The following ATRNL1 variants were observed in gnomAD, a reference collection of about 807,000 sequenced individuals.
ATRNL1 encodes the protein attractin like 1.
Under a neutral mutation model 182.7 loss-of-function variants are expected in ATRNL1, and 95 were observed. That is an observed-to-expected ratio of 0.52 (90% CI 0.44 to 0.62). ATRNL1 has a LOEUF of 0.62. Ranked by LOEUF, ATRNL1 falls within the 20% of genes least tolerant of loss-of-function variation. ATRNL1 has a pLI of 0.00. For missense variants in ATRNL1, 1,471 were observed against 1,679.5 expected, an observed-to-expected ratio of 0.88 and a Z score of 2.17; for synonymous variants, 576 against 568.3, an observed-to-expected ratio of 1.01 and a Z score of -0.19.
At chr10:115,316,942 A>G (rs1404266613) in intron 18 of ATRNL1, among the ~76,000 whole-genome samples, 1 of 151,936 alleles carries the variant, frequency 6.6e-6, no homozygotes, top group Non-Finnish European at 1.5e-5. Flanking sequence ...GTCAATTTTG[A>G]CTTTTGTTGC....
At chr10:115,514,374 C>A (rs1554983386) in intron 24 of ATRNL1, among the ~76,000 whole-genome samples, 1 of 151,838 alleles carries the variant, frequency 6.6e-6, no homozygotes. Flanking sequence ...GTAATTATTT[C>A]AAGTTTTAGA....
chr10:115,485,851 G>C (rs1250199286), intron 24 of ATRNL1, among the ~76,000 whole-genome samples: 2 of 151,838 alleles, frequency 1.3e-5, no homozygotes, highest in African/African-American at 4.8e-5. Context: ...CCATCAACCT[G>C]TTATCTACAT....
chr10:115,562,728 G>T (rs1853830243), intron 26 of ATRNL1, among the ~76,000 whole-genome samples: 1 of 152,176 alleles, frequency 6.6e-6, no homozygotes, highest in Non-Finnish European at 1.5e-5. Flanking sequence ...GAATAAGGAT[G>T]TGTTCAGTTC....
intron 26 of ATRNL1, among the ~76,000 whole-genome samples, chr10:115,688,803 T>G (rs1946300434): frequency 6.6e-6 from 1 of 152,134 alleles, no homozygotes; most frequent in South Asian, 2.1e-4. Context: ...GTGGAGAAAC[T>G]TTTAAATTTA....
chr10:115,713,246 A>C (rs532236738), intron 26 of ATRNL1, among the ~76,000 whole-genome samples: 2 of 152,316 alleles, frequency 1.3e-5, no homozygotes, highest in African/African-American at 4.8e-5. Context: ...CTTAGTCCTA[A>C]ATTAATTTTT....
At chr10:115,671,689 C>T (rs781838525) in intron 26 of ATRNL1, among the ~76,000 whole-genome samples, 2 of 152,052 alleles carry the variant, frequency 1.3e-5, no homozygotes, top group Admixed American at 6.6e-5. Flanking sequence ...ACCACTGCCT[C>T]GGCAGGGAAC....
intron 18 of ATRNL1, among the ~76,000 whole-genome samples, chr10:115,329,036 A>G (rs1554934258): frequency 6.6e-6 from 1 of 151,642 alleles, no homozygotes; most frequent in African/African-American, 2.4e-5. Context: ...TTTTTGAGAA[A>G]CCTCCAACTG....
chr10:115,422,426 G>A (rs1337833612), intron 20 of ATRNL1, among the ~76,000 whole-genome samples: 5 of 152,078 alleles, frequency 3.3e-5, no homozygotes, highest in African/African-American at 7.2e-5. Flanking sequence ...TGTCCAACAA[G>A]TATGTGAAAA....
intron 22 of ATRNL1, among the ~76,000 whole-genome samples, chr10:115,463,752 A>C (rs1847925665): frequency 6.6e-6 from 1 of 151,796 alleles, no homozygotes; most frequent in African/African-American, 2.4e-5. Flanking sequence ...AAATGTAATC[A>C]TTTGTCCTTT....
chr10:115,765,643 G>C (rs1286838304), intron 27 of ATRNL1, among the ~76,000 whole-genome samples: 1 of 152,132 alleles, frequency 6.6e-6, no homozygotes, highest in Non-Finnish European at 1.5e-5. Flanking sequence ...CAATTTTAAT[G>C]AAGTCTAGTT....
chr10:115,192,431 C>G (rs1848203265), intron 8 of ATRNL1, among the ~76,000 whole-genome samples: 1 of 151,990 alleles, frequency 6.6e-6, no homozygotes, highest in Non-Finnish European at 1.5e-5. Context: ...TTTCTGGAGT[C>G]TCTATTCTGT....
At chr10:115,706,354 G>A (rs1946897355) in intron 26 of ATRNL1, among the ~76,000 whole-genome samples, 1 of 151,682 alleles carries the variant, frequency 6.6e-6, no homozygotes, top group Non-Finnish European at 1.5e-5. Context: ...TACAGTTAGG[G>A]CCCCTCAGGA....
At position 115,891,622 on chromosome 10, in the gene ATRNL1, C is replaced by T. The variant is rs17093718; in HGVS notation, c.4018+43631C>T. On this transcript the variant is annotated intron_variant, in intron 28 of 28. Transcript: ENST00000355044. ...TAGTCATTATACATTTATTTTTCAA[C>T]GTCTTCTGTTTTAAAATGACTCTTC... Among the ~76,000 whole-genome samples the T allele has an allele frequency of 7.4e-3, 1,119 of 152,106 alleles. 12 individuals carry two copies. Among genetic ancestry groups the T allele is most frequent in the African/African-American group, 0.025 (1,049 of 41,494 alleles).
At chr10:115,865,523 A>G (rs1555104541) in intron 28 of ATRNL1, among the ~76,000 whole-genome samples, 1 of 152,102 alleles carries the variant, frequency 6.6e-6, no homozygotes, top group Non-Finnish European at 1.5e-5. Flanking sequence ...TTAACCTACA[A>G]TTTTTATATA....
At chr10:115,151,476 T>C (rs184011086) in intron 5 of ATRNL1, among the ~76,000 whole-genome samples, 115 of 152,380 alleles carry the variant, frequency 7.5e-4, no homozygotes, top group African/African-American at 2.5e-3. Flanking sequence ...TGGCCAGTGA[T>C]GATGAGCATT....
rs782502499 is a variant in ATRNL1, at chr10:115,127,656, C to A, written c.555C>A (p.Gly185=). The part of the protein sequence containing the change: ...ETVPEVVTTS[G]YALLHFFSDA... ...TGCCTGAAGTTGTTACTACATCTGG[C>A]TATGCACTGTTACATTTTTTTAGTG... is the stretch of plus-strand genomic sequence containing the variant. The change falls in exon 4 of 29, where the codon GGC becomes GGA. Residue 185 remains glycine (G), a synonymous_variant. Coordinates refer to ENST00000355044, the MANE Select transcript of ATRNL1 (RefSeq NM_207303.4). 3.1e-6 allele frequency: 5 copies of A among 1,591,328 alleles called. No individual in the cohort carries two copies. Among genetic ancestry groups the A allele is most frequent in the Non-Finnish European group, 4.3e-6 (5 of 1,171,294 alleles).
At chr10:115,684,506 T>G (rs1366675789) in intron 26 of ATRNL1, among the ~76,000 whole-genome samples, 1 of 151,468 alleles carries the variant, frequency 6.6e-6, no homozygotes, top group Non-Finnish European at 1.5e-5. Context: ...TTAAACAGAT[T>G]TTGGTTCAGG....
chr10:115,264,264 T>C (rs1554909772), intron 10 of ATRNL1, among the ~76,000 whole-genome samples: 3 of 151,668 alleles, frequency 2.0e-5, no homozygotes, highest in African/African-American at 7.2e-5. Flanking sequence ...TTTATTTTAT[T>C]ATTGTTATAG....
intron 19 of ATRNL1, among the ~76,000 whole-genome samples, chr10:115,337,839 G>A (rs531327376): frequency 6.6e-6 from 1 of 152,088 alleles, no homozygotes; most frequent in South Asian, 2.1e-4. Flanking sequence ...TAGTTTTGGG[G>A]AAGACAATTT....
Sources: allele counts gnomAD v4.1 joint callset (sites outside exome capture counted in the v4.1 genomes callset), GRCh38; gene constraint gnomAD v4.1.1; transcripts MANE v1.5; gene names NCBI Gene and HGNC (gene_info 2026-07-23, HGNC 2026-07-21).